Variants in ZNF469 observed in about 807,000 individuals in gnomAD.
ZNF469 encodes the protein zinc finger protein 469.
A neutral mutation model predicts 1.0 loss-of-function variants in ZNF469; 1 was observed. That is an observed-to-expected ratio of 1.00 (90% CI 0.35 to 4.73). The LOEUF (loss-of-function observed/expected upper bound fraction) is 4.73. ZNF469 is among the 30% of genes most tolerant of loss of function. ZNF469 has a pLI of 0.16. For missense variants in ZNF469, 6,100 were observed against 5,356.3 expected, an observed-to-expected ratio of 1.14 and a Z score of -4.33; for synonymous variants, 2,703 against 2,363.4, an observed-to-expected ratio of 1.14 and a Z score of -4.17.
At chr16:88,211,965 T>A in the ZNF469 span, among the ~76,000 whole-genome samples, 2 of 152,244 alleles carry the variant, frequency 1.3e-5, no homozygotes, top group Non-Finnish European at 2.9e-5. Context: ...TAAAAACAAT[T>A]TGTCCAGTGA....
chr16:88,114,259 G>GACAGGGACCACAC, the ZNF469 span, among the ~76,000 whole-genome samples: 1 of 134,140 alleles, frequency 7.5e-6, no homozygotes, highest in Non-Finnish European at 1.6e-5. Context: ...CACTGCGGGT[G>GACAGGGACCACAC]TCTCCGGGGA....
At chr16:88,409,613 G>A (rs1045473351) in intron 1 of ZNF469, among the ~76,000 whole-genome samples, 4 of 152,218 alleles carry the variant, frequency 2.6e-5, no homozygotes, top group African/African-American at 4.8e-5. Context: ...CTCATAGGCC[G>A]TGTGCACCCC....
chr16:88,294,599 C>G, the ZNF469 span: 1 of 152,220 alleles, frequency 6.6e-6, no homozygotes, highest in Non-Finnish European at 1.5e-5. Flanking sequence ...GCTTTTTCCA[C>G]GTGGAAATTG....
At chr16:88,302,245 T>C in the ZNF469 span, among the ~76,000 whole-genome samples, 1 of 152,190 alleles carries the variant, frequency 6.6e-6, no homozygotes, top group Non-Finnish European at 1.5e-5. Flanking sequence ...GCTGTCGGAG[T>C]GCTGGGAATC....
At chr16:88,303,339 C>T in the ZNF469 span, among the ~76,000 whole-genome samples, 956 of 152,336 alleles carry the variant, frequency 6.3e-3, 7 homozygotes, top group African/African-American at 0.021. Context: ...TGGCTGGGGA[C>T]GTGGACACGT....
At chr16:88,147,813 G>C in the ZNF469 span, among the ~76,000 whole-genome samples, 3 of 152,160 alleles carry the variant, frequency 2.0e-5, no homozygotes, top group Non-Finnish European at 4.4e-5. Context: ...TGACCAGGCA[G>C]CTGAGCTCAG....
At chr16:88,162,632 A>G in the ZNF469 span, among the ~76,000 whole-genome samples, 1 of 151,904 alleles carries the variant, frequency 6.6e-6, no homozygotes, top group Non-Finnish European at 1.5e-5. Flanking sequence ...ATAAATAGGC[A>G]TTTCAAAAAA....
At chr16:88,128,325 C>T in the ZNF469 span, among the ~76,000 whole-genome samples, 25 of 152,232 alleles carry the variant, frequency 1.6e-4, no homozygotes, top group Non-Finnish European at 3.1e-4. Context: ...CAGCCCTCTC[C>T]AAGGATGGCG....
At chr16:88,243,951 T>TATATATATATATAA in the ZNF469 span, among the ~76,000 whole-genome samples, 4 of 120,776 alleles carry the variant, frequency 3.3e-5, no homozygotes, top group Admixed American at 8.3e-5. Context: ...TATATATATA[T>TATATATATATATAA]AAATGTATGT....
At chr16:88,397,662 A>ATAGATAGATAGG (rs754862287) in intron 1 of ZNF469, among the ~76,000 whole-genome samples, 5 of 147,044 alleles carry the variant, frequency 3.4e-5, no homozygotes, top group African/African-American at 1.3e-4. Flanking sequence ...TAAGAGATAG[A>ATAGATAGATAGG]TAGATAGATA....
the ZNF469 span, among the ~76,000 whole-genome samples, chr16:88,169,102 G>C: frequency 1.3e-5 from 2 of 152,134 alleles, no homozygotes; most frequent in Non-Finnish European, 2.9e-5. This position sits in a 1 kb window ranked among gnomAD's most constrained non-coding sequence, Gnocchi z 6.1. Flanking sequence ...AGTGTGTGCA[G>C]CTGTGGGTGG....
chr16:88,225,613 G>C, the ZNF469 span, among the ~76,000 whole-genome samples: 4 of 152,076 alleles, frequency 2.6e-5, no homozygotes, highest in African/African-American at 9.7e-5. Flanking sequence ...TGTGTGTGTT[G>C]AAACCCCACC....
At chr16:88,422,828 G>A (rs1905529981) in intron 1 of ZNF469, among the ~76,000 whole-genome samples, 2 of 145,138 alleles carry the variant, frequency 1.4e-5, no homozygotes, top group African/African-American at 5.2e-5. Context: ...GGGTGGGTGG[G>A]TGATGGATGG....
At chr16:88,340,192 C>T in the ZNF469 span, among the ~76,000 whole-genome samples, 16 of 152,288 alleles carry the variant, frequency 1.1e-4, no homozygotes, top group East Asian at 7.7e-4. Flanking sequence ...CAGTCCAGGC[C>T]GGCACGGCAG....
chr16:88,410,205 G>A (rs1484132706), intron 1 of ZNF469, among the ~76,000 whole-genome samples: 1 of 151,266 alleles, frequency 6.6e-6, no homozygotes, highest in Non-Finnish European at 1.5e-5. Flanking sequence ...TGCCATTGAT[G>A]GTGCAGGTCA....
At chr16:88,256,931 TTTC>T in the ZNF469 span, among the ~76,000 whole-genome samples, 1 of 3,230 alleles carries the variant, frequency 3.1e-4, no homozygotes, top group African/African-American at 4.6e-4. Flanking sequence ...TCTTTCTTTC[TTTC>T]TTTCTTTCTT....
the ZNF469 span, among the ~76,000 whole-genome samples, chr16:88,305,564 G>A: frequency 8.6e-4 from 103 of 119,984 alleles, no homozygotes; most frequent in African/African-American, 3.0e-3. Flanking sequence ...ACCCTCACAC[G>A]TGCACACACG....
the ZNF469 span, among the ~76,000 whole-genome samples, chr16:88,123,656 T>TCC: frequency 6.6e-6 from 1 of 152,064 alleles, no homozygotes; most frequent in African/African-American, 2.4e-5. Flanking sequence ...AAAGGGGTCG[T>TCC]CCCCCCCAGT....
the ZNF469 span, among the ~76,000 whole-genome samples, chr16:88,119,686 C>T: frequency 1.3e-5 from 2 of 152,148 alleles, no homozygotes; most frequent in African/African-American, 4.8e-5. Flanking sequence ...GCTGGCCGGC[C>T]CAGCTCTGGA....
Sources: allele counts gnomAD v4.1 joint callset (sites outside exome capture counted in the v4.1 genomes callset), GRCh38; gene constraint gnomAD v4.1.1; non-coding constraint Gnocchi (gnomAD v3.1); transcripts MANE v1.5; gene names NCBI Gene and HGNC (gene_info 2026-07-23, HGNC 2026-07-21).